NRXN3: variants seen among roughly 807,000 people sequenced by gnomAD.
The protein encoded by NRXN3 is neurexin 3, also known as neurexin III.
NRXN3 carries 32 observed loss-of-function variants against 137.6 expected under a neutral mutation model. That is an observed-to-expected ratio of 0.23 (90% confidence interval 0.18 to 0.31). The LOEUF is 0.31. Ranked by LOEUF, NRXN3 falls within the 10% of genes least tolerant of loss-of-function variation. NRXN3 has a pLI of 1.00. For missense variants in NRXN3, 1,574 were observed against 2,062.5 expected (o/e 0.76, Z 4.59); for synonymous variants, 798 against 784.5 (o/e 1.02, Z -0.29).
intron 19 of NRXN3, among the ~76,000 whole-genome samples, chr14:79,769,639 G>A (rs562098402): frequency 6.6e-6 from 1 of 152,144 alleles, no homozygotes; most frequent in Admixed American, 6.5e-5. Flanking sequence ...AACATGGAAA[G>A]GAACAACCGA....
chr14:79,675,040 CTAT>C lies in NRXN3; in HGVS notation c.3616+11103_3616+11105del, dbSNP rs1165321023. The stretch of plus-strand genomic sequence containing the variant: ...CATCATAGCATCCTGGAAAGGGGTC[CTAT>C]TATTATTATTACCATTTTAGAGATG... On this transcript the variant is annotated intron_variant, in intron 17 of 20. Coordinates refer to ENST00000335750, the MANE Select transcript of NRXN3 (RefSeq NM_001330195.2). Among the ~76,000 whole-genome samples, 4 of 151,880 alleles carry C rather than the reference CTAT, an allele frequency of 2.6e-5. No individual in the cohort carries two copies. The South Asian group carries it at 6.2e-4, about 24-fold the overall frequency.
At chr14:79,071,429 T>A (rs977853054) in intron 15 of NRXN3, among the ~76,000 whole-genome samples, 1 of 152,150 alleles carries the variant, frequency 6.6e-6, no homozygotes, top group African/African-American at 2.4e-5. Flanking sequence ...TTCCCCTCCC[T>A]GTGTCCATGT....
At chr14:78,744,708 G>A (rs1300227282) in intron 8 of NRXN3, 1 of 151,838 alleles carries the variant, frequency 6.6e-6, no homozygotes, top group Non-Finnish European at 1.5e-5. Context: ...TTTTAATGAC[G>A]CTGCACTAAG....
chr14:78,405,225 G>C (rs951650142), intron 4 of NRXN3, among the ~76,000 whole-genome samples: 1 of 152,150 alleles, frequency 6.6e-6, no homozygotes, highest in South Asian at 2.1e-4. Flanking sequence ...GTGGGTCCCA[G>C]TGAGGTAAAA....
chr14:79,063,054 G>A (rs1002757813), intron 15 of NRXN3, among the ~76,000 whole-genome samples: 5 of 152,106 alleles, frequency 3.3e-5, no homozygotes, highest in Admixed American at 3.3e-4. Context: ...TGTGATAAAC[G>A]AGGAAGCCAA....
chr14:79,038,407 A>C (rs2099619747), intron 15 of NRXN3, among the ~76,000 whole-genome samples: 1 of 152,116 alleles, frequency 6.6e-6, no homozygotes, highest in African/African-American at 2.4e-5. Flanking sequence ...CCAAAGATCA[A>C]ATGGATTGCT....
At chr14:78,581,503 C>T (rs946835176) in intron 4 of NRXN3, among the ~76,000 whole-genome samples, 1 of 152,208 alleles carries the variant, frequency 6.6e-6, no homozygotes, top group Non-Finnish European at 1.5e-5. Flanking sequence ...AACTACTTCC[C>T]CAAAGCCCCA....
intron 16 of NRXN3, among the ~76,000 whole-genome samples, chr14:79,655,181 G>A (rs2098499409): frequency 6.6e-6 from 1 of 152,206 alleles, no homozygotes; most frequent in Non-Finnish European, 1.5e-5. Flanking sequence ...TGCCAGAGGA[G>A]ATGAATGAAA....
chr14:78,429,157 C>A (rs1361656329), intron 4 of NRXN3, among the ~76,000 whole-genome samples: 6 of 151,902 alleles, frequency 3.9e-5, no homozygotes, highest in African/African-American at 1.5e-4. Flanking sequence ...CTCACTGCAA[C>A]CCTCCACCTC....
chr14:79,309,844 A>C (rs2086882700), intron 15 of NRXN3, among the ~76,000 whole-genome samples: 1 of 133,878 alleles, frequency 7.5e-6, no homozygotes, highest in African/African-American at 3.2e-5. Context: ...CCTTTGTCAG[A>C]TGAGTAGGTT....
At chr14:78,344,487 A>G (rs2082485973) in intron 4 of NRXN3, among the ~76,000 whole-genome samples, 1 of 152,180 alleles carries the variant, frequency 6.6e-6, no homozygotes, top group Admixed American at 6.5e-5. Context: ...CTCACAACAC[A>G]TGCTCATTAA....
At chr14:78,198,826 A>C (rs1283950778) in intron 1 of NRXN3, among the ~76,000 whole-genome samples, 1 of 152,228 alleles carries the variant, frequency 6.6e-6, no homozygotes, top group Non-Finnish European at 1.5e-5. Flanking sequence ...TTCCTTCCAG[A>C]GAGCATTCAG....
chr14:79,102,076 G>C (rs986185587), intron 15 of NRXN3, among the ~76,000 whole-genome samples: 1 of 152,114 alleles, frequency 6.6e-6, no homozygotes, highest in East Asian at 1.9e-4. Flanking sequence ...AGAGAGCATT[G>C]CTCTGCTCAT....
intron 15 of NRXN3, chr14:79,314,182 CAGTG>C (rs1174206243): frequency 2.1e-5 from 3 of 145,228 alleles, no homozygotes; most frequent in African/African-American, 7.7e-5. Context: ...GAGTGCCAGA[CAGTG>C]GGCGCAGGCC....
chr14:79,472,704 C>T (rs757490882), intron 16 of NRXN3, among the ~76,000 whole-genome samples: 3 of 152,104 alleles, frequency 2.0e-5, no homozygotes, highest in Non-Finnish European at 4.4e-5. Flanking sequence ...AAGCTGCTAT[C>T]GCTTGCGAGT....
chr14:79,202,367 T>C (rs2066158531), intron 15 of NRXN3, among the ~76,000 whole-genome samples: 1 of 152,138 alleles, frequency 6.6e-6, no homozygotes, highest in Non-Finnish European at 1.5e-5. Context: ...AATATACACC[T>C]TTTTTAAGGT....
intron 15 of NRXN3, among the ~76,000 whole-genome samples, chr14:79,021,072 G>A (rs933598861): frequency 2.0e-5 from 3 of 152,164 alleles, no homozygotes; most frequent in Admixed American, 1.3e-4. Flanking sequence ...CTAGCAGCAG[G>A]TGTGGTTGGT....
At chr14:79,193,500 T>C (rs760942486) in intron 15 of NRXN3, among the ~76,000 whole-genome samples, 10 of 152,242 alleles carry the variant, frequency 6.6e-5, no homozygotes, top group Non-Finnish European at 1.2e-4. Context: ...TAAATCATAG[T>C]TCTAAGCACA....
chr14:79,320,168 T>C (rs185483332), intron 15 of NRXN3, among the ~76,000 whole-genome samples: 1 of 152,336 alleles, frequency 6.6e-6, no homozygotes, highest in Admixed American at 6.5e-5. Context: ...TTAATTACTA[T>C]AATTTTTCAA....
Sources: allele counts gnomAD v4.1 joint callset (sites outside exome capture counted in the v4.1 genomes callset), GRCh38; gene constraint gnomAD v4.1.1; transcripts MANE v1.5; gene names NCBI Gene and HGNC (gene_info 2026-07-23, HGNC 2026-07-21).